ACSM2B: variants seen among roughly 807,000 people sequenced by gnomAD.
The protein encoded by ACSM2B is acyl-CoA synthetase medium chain family member 2B.
ACSM2B carries 58 observed loss-of-function variants against 78.6 expected under a neutral mutation model. The ratio of observed to expected loss-of-function variants is 0.74; its 90% CI spans 0.60 to 0.92. The LOEUF (loss-of-function observed/expected upper bound fraction) is 0.92. Ranked by LOEUF, ACSM2B falls within the 40% of genes least tolerant of loss-of-function variation. The probability of loss-of-function intolerance (pLI) is 0.00; values close to 1 mark genes in which losing one functional copy is unlikely to be tolerated. For missense variants in ACSM2B, 688 were observed against 711.2 expected (o/e 0.97, Z 0.37); for synonymous variants, 257 against 256.8 (o/e 1.00, Z -0.01).
Position 20,555,875 on chromosome 16 carries a change from A to C in ACSM2B, c.389-399T>G, listed in dbSNP as rs553234132. Among the ~76,000 whole-genome samples the C allele has an allele frequency of 3.1e-3, 470 of 152,212 alleles. 2 individuals are homozygous for C. The highest frequency in any genetic ancestry group is 6.3e-3 in the Admixed American group (96 of 15,286). The stretch of plus-strand genomic sequence containing the variant: ...TTGGAACTGTCCATGGTCTTGAAAC[A>C]CCAATAGCTCTAGGTCCTGGCAATT... On this transcript the variant is annotated intron_variant, in intron 3 of 13. Transcript: ENST00000329697.
chr16:20,547,647 T>C, intron 8 of ACSM2B: 1 of 1,016,342 alleles, frequency 9.8e-7, no homozygotes, highest in Non-Finnish European at 1.2e-6. Flanking sequence ...CTCACTTCAG[T>C]CTAAGCAGCT....
At chr16:20,547,747 T>G in intron 8 of ACSM2B, 1 of 1,062,586 alleles carries the variant, frequency 9.4e-7, no homozygotes, top group South Asian at 2.3e-5. Context: ...CATATGTGAT[T>G]TACCAACTTC....
At chr16:20,540,958 G>T (rs377337441) in intron 12 of ACSM2B, 185 bp from the exon 13 acceptor site, 2 of 821,122 alleles carry the variant, frequency 2.4e-6, no homozygotes, top group Non-Finnish European at 3.5e-6. Context: ...CTCTGAAGTC[G>T]TTTATTGGAG....
At position 20,537,178 on chromosome 16, in the gene ACSM2B, T is replaced by C. The variant is rs770781754; in HGVS notation, c.*80A>G. 1 of 1,513,272 alleles carries C rather than the reference T, an allele frequency of 6.6e-7. No homozygotes were observed. Among genetic ancestry groups the C allele is most frequent in the Admixed American group, 1.8e-5 (1 of 56,510 alleles). 93.7% of individuals were successfully genotyped at this position (1,513,272 alleles called of 1,614,324 possible). A position where few individuals can be genotyped will look rare whatever the true frequency, so the allele number is the denominator to read the frequency against. On this transcript the variant is annotated 3_prime_UTR_variant, in exon 14 of 14. Coordinates refer to ENST00000329697, the MANE Select transcript of ACSM2B (RefSeq NM_001105069.2). ...ATGTTCTTTCATAAAGAATCTCATA[T>C]CATCATAGTAAGGCCAAGGGCCCAA...
chr16:20,549,917 T>G (rs2015253179), intron 6 of ACSM2B: 2 of 363,284 alleles, frequency 5.5e-6, no homozygotes, highest in East Asian at 8.2e-5. Flanking sequence ...TTAAGATAAA[T>G]AATTGTGGAG....
At chr16:20,569,335 T>A (rs2016027665) in intron 1 of ACSM2B, among the ~76,000 whole-genome samples, 2 of 151,932 alleles carry the variant, frequency 1.3e-5, no homozygotes. Context: ...TTTCCCCACT[T>A]TGTGTTTTTG....
chr16:20,542,735 T>A (rs923739641), intron 12 of ACSM2B, 179 bp downstream of exon 12: 2 of 735,968 alleles, frequency 2.7e-6, no homozygotes, highest in African/African-American at 3.6e-5. Flanking sequence ...ATCTTACAGA[T>A]GAAGAAACTG....
intron 8 of ACSM2B, 183 bp downstream of exon 8, chr16:20,547,879 G>A: frequency 7.2e-7 from 1 of 1,391,452 alleles, no homozygotes; most frequent in Non-Finnish European, 9.6e-7. Flanking sequence ...CCAGAAAACA[G>A]GAACTTTGCC....
rs1428838882 is a variant in ACSM2B, at chr16:20,549,140, G to A, written c.895-667C>T. Among the ~76,000 whole-genome samples, 9 of 152,118 alleles carry A rather than the reference G, an allele frequency of 5.9e-5. No homozygotes were observed. The East Asian group carries it at 7.7e-4, about 13-fold the overall frequency. ...TAGCTGCTCCAAGGTCACCTAGTCA[G>A]CAAGTAGTGGGATCATTATTTGCAG... On this transcript the variant is annotated intron_variant, in intron 6 of 13. Coordinates refer to ENST00000329697, the MANE Select transcript of ACSM2B (RefSeq NM_001105069.2).
At chr16:20,566,093 T>G (rs1303783089) in intron 1 of ACSM2B, among the ~76,000 whole-genome samples, 1 of 140,064 alleles carries the variant, frequency 7.1e-6, no homozygotes, top group Non-Finnish European at 1.5e-5. Flanking sequence ...GTATGTATTA[T>G]ATAGTATATA....
chr16:20,559,267 A>T lies in ACSM2B; in HGVS notation c.358T>A (p.Trp120Arg), dbSNP rs566287967. ...AVMLPRVPEW[W>R]LVILGCIRAG... The stretch of plus-strand genomic sequence containing the variant: ...CGAATGCAGCCCAGGATCACCAGCC[A>T]CCACTCAGGCACTCGGGGCAGCATC... The change falls in exon 3 of 14, where the codon TGG becomes AGG. Residue 120 changes from tryptophan (W) to arginine (R), a missense_variant. Trp to Arg is a moderately radical substitution (Grantham distance 101, BLOSUM62 -3). Transcript: ENST00000329697. The T allele has an allele frequency of 1.2e-6, 2 of 1,613,438 alleles. No homozygotes were observed. Among genetic ancestry groups the T allele is most frequent in the East Asian group, 4.5e-5 (2 of 44,866 alleles).
intron 6 of ACSM2B, among the ~76,000 whole-genome samples, chr16:20,548,745 C>A (rs1384004821): frequency 1.3e-5 from 2 of 152,096 alleles, no homozygotes; most frequent in African/African-American, 4.8e-5. Flanking sequence ...TCTGTTCCTG[C>A]CAGTTTAAGA....
Position 20,564,853 on chromosome 16 carries a change from C to T in ACSM2B, c.-8G>A. ...TTTTCGCAGCCAATGCATGTTCAGG[C>T]CTGTAAAAGAAAGAAGAGACACAGG... On this transcript the variant is annotated splice_region_variant and 5_prime_UTR_variant, in exon 2 of 14. Coordinates refer to ENST00000329697, the MANE Select transcript of ACSM2B (RefSeq NM_001105069.2). 1.9e-6 allele frequency: 3 copies of T among 1,601,890 alleles called. No individual in the cohort carries two copies. The highest frequency in any genetic ancestry group is 2.6e-6 in the Non-Finnish European group (3 of 1,173,260).
intron 2 of ACSM2B, among the ~76,000 whole-genome samples, chr16:20,559,730 T>C (rs2015592512): frequency 6.6e-6 from 1 of 150,942 alleles, no homozygotes; most frequent in Non-Finnish European, 1.5e-5. Flanking sequence ...AATTTTTTTA[T>C]AATGATAAAG....
At position 20,543,256 on chromosome 16, in the gene ACSM2B, G is replaced by C; in HGVS notation, c.1288C>G (p.Pro430Ala). Reference sequence around the variant, plus strand: ...CGAATGTTGGCTGCTGTCTTGTCGGGATTTTCCTGGTGACCACAGAAAGAC... The same window carrying C: ...CGAATGTTGGCTGCTGTCTTGTCGGCATTTTCCTGGTGACCACAGAAAGAC... ...IGIFSGYVEN[P>A]DKTAANIRGD... is the part of the protein sequence containing the mutation. Residue 430 changes from proline to alanine, a missense_variant, in exon 11 of 14, where the codon CCC (proline) becomes GCC (alanine). Pro to Ala is a conservative substitution (Grantham distance 27, BLOSUM62 -1). Transcript: ENST00000329697. 6.2e-7 allele frequency: 1 copy of C among 1,609,212 alleles called. No individual in the cohort carries two copies. Among genetic ancestry groups the C allele is most frequent in the East Asian group, 2.2e-5 (1 of 44,892 alleles).
At chr16:20,558,169 G>A (rs2015534184) in intron 3 of ACSM2B, among the ~76,000 whole-genome samples, 1 of 152,086 alleles carries the variant, frequency 6.6e-6, no homozygotes, top group Non-Finnish European at 1.5e-5. Context: ...GGTATTTGAG[G>A]TGTTCTTCAG....
chr16:20,555,338 G>A lies in ACSM2B; in HGVS notation c.527C>T (p.Ser176Phe). The A allele has an allele frequency of 6.2e-7, 1 of 1,613,924 alleles. No individual in the cohort carries two copies. The change falls in exon 4 of 14, where the codon TCT becomes TTT. Residue 176 changes from serine to phenylalanine, a missense_variant. Physicochemically the swap from Ser to Phe is radical, Grantham distance 155. Coordinates refer to ENST00000329697, the MANE Select transcript of ACSM2B (RefSeq NM_001105069.2). ...AGACACCAGTAGCTTAATTCTCAGA[G>A]AAGGACATTCAGATGCCACTGTGTC... is the stretch of plus-strand genomic sequence containing the variant. ...EVDTVASECP[S>F]LRIKLLVSEK...
At chr16:20,552,711 T>C (rs2015357418) in intron 5 of ACSM2B, among the ~76,000 whole-genome samples, 1 of 152,216 alleles carries the variant, frequency 6.6e-6, no homozygotes, top group Admixed American at 6.5e-5. Context: ...TGCTTCTCTT[T>C]TCTTTAAGTA....
intron 10 of ACSM2B, among the ~76,000 whole-genome samples, chr16:20,543,735 C>G (rs115900519): frequency 0.07 from 10,659 of 151,598 alleles, 1,183 homozygotes; most frequent in African/African-American, 0.23. Context: ...AGCTGGGTCC[C>G]TCTATTCAGC....
Sources: gnomAD v4.1 joint callset for allele counts (sites outside exome capture counted in the v4.1 genomes callset) on GRCh38, gnomAD v4.1.1 for gene constraint, MANE v1.5 for transcripts, NCBI Gene and HGNC (gene_info 2026-07-23, HGNC 2026-07-21) for gene names.